Variants in DCDC1 observed in about 807,000 individuals in gnomAD.
DCDC1 encodes the protein doublecortin domain containing 1, also known as doublecortin domain-containing protein 1.
In DCDC1, 200 loss-of-function variants were observed where a neutral mutation model predicts 178.3. The observed-to-expected ratio is 1.12, with a 90% CI of 1.00 to 1.26. The LOEUF (loss-of-function observed/expected upper bound fraction) is 1.26, where lower values mean the gene tolerates loss of function less well. Among genes scored for constraint, DCDC1 ranks in the 50% most tolerant of loss-of-function variants. DCDC1 has a pLI of 0.00. For missense variants in DCDC1, 1,983 were observed against 1,749.2 expected (o/e 1.13, Z -2.38); for synonymous variants, 690 against 604.8 (o/e 1.14, Z -2.07).
intron 7 of DCDC1, among the ~76,000 whole-genome samples, chr11:31,281,819 A>G (rs1171028937): frequency 6.6e-6 from 1 of 152,134 alleles, no homozygotes; most frequent in African/African-American, 2.4e-5. Context: ...GCCTTCCACC[A>G]TGATTATGAG....
intron 20 of DCDC1, among the ~76,000 whole-genome samples, chr11:30,973,791 T>C (rs1949946125): frequency 1.3e-5 from 2 of 152,210 alleles, no homozygotes; most frequent in African/African-American, 2.4e-5. Flanking sequence ...CAGTAACAGT[T>C]GGATACATCA....
intron 1 of DCDC1, among the ~76,000 whole-genome samples, chr11:31,338,124 T>C (rs1440796861): frequency 6.6e-6 from 1 of 152,192 alleles, no homozygotes; most frequent in Admixed American, 6.5e-5. Context: ...AGTACTCTGA[T>C]GAACTAATCA....
At chr11:30,963,385 G>A (rs992162454) in intron 20 of DCDC1, among the ~76,000 whole-genome samples, 1 of 152,118 alleles carries the variant, frequency 6.6e-6, no homozygotes, top group Non-Finnish European at 1.5e-5. Context: ...GACAGAAACA[G>A]TTAATTCCCC....
intron 1 of DCDC1, among the ~76,000 whole-genome samples, chr11:31,349,560 A>G (rs1448657365): frequency 1.3e-5 from 2 of 152,244 alleles, no homozygotes; most frequent in Non-Finnish European, 2.9e-5. Flanking sequence ...AACTGAAGTT[A>G]TCACAGAAAT....
intron 1 of DCDC1, among the ~76,000 whole-genome samples, chr11:31,356,113 T>TA (rs1951342256): frequency 6.6e-6 from 1 of 152,090 alleles, no homozygotes; most frequent in African/African-American, 2.4e-5. Flanking sequence ...AGCTACAGTA[T>TA]AAAAAAGCTA....
intron 13 of DCDC1, among the ~76,000 whole-genome samples, chr11:31,105,316 C>T (rs960947508): frequency 6.6e-6 from 1 of 151,750 alleles, no homozygotes; most frequent in Admixed American, 6.6e-5. Context: ...GGCATTTTAC[C>T]AGTTATTCCG....
chr11:30,951,357 T>C lies in DCDC1; in HGVS notation c.2715+1088A>G, dbSNP rs529307955. Among the ~76,000 whole-genome samples, 157 of 152,152 alleles carry C rather than the reference T, an allele frequency of 1.0e-3. 2 individuals carry two copies. In the South Asian group the frequency reaches 0.013, roughly 12 times the overall value. On this transcript the variant is annotated intron_variant, in intron 21 of 38. Transcript: ENST00000684477. ...ATGTATTTGCTTTGCTATGTGAAAA[T>C]ACCTTACATGAATAAGGGCAAAATA...
intron 21 of DCDC1, among the ~76,000 whole-genome samples, chr11:30,934,480 C>T (rs770768441): frequency 9.9e-5 from 15 of 152,076 alleles, no homozygotes; most frequent in Admixed American, 4.6e-4. Context: ...TAACCAGTGA[C>T]GTTTAGGATA....
At chr11:31,157,009 C>T (rs776215314) in intron 9 of DCDC1, among the ~76,000 whole-genome samples, 8 of 151,966 alleles carry the variant, frequency 5.3e-5, no homozygotes, top group Non-Finnish European at 1.0e-4. Flanking sequence ...ATCCATATTT[C>T]CAAGCATCTT....
chr11:31,293,091 G>A (rs1478632119), intron 6 of DCDC1, among the ~76,000 whole-genome samples: 2 of 152,056 alleles, frequency 1.3e-5, no homozygotes, highest in African/African-American at 4.8e-5. Context: ...ACGTGACAGG[G>A]ATTAAATATC....
At chr11:31,311,830 A>G (rs1333004412) in intron 3 of DCDC1, among the ~76,000 whole-genome samples, 1 of 152,164 alleles carries the variant, frequency 6.6e-6, no homozygotes, top group East Asian at 1.9e-4. Flanking sequence ...GTACATTATA[A>G]ATTTCTGAAA....
intron 10 of DCDC1, among the ~76,000 whole-genome samples, chr11:31,134,936 C>T (rs982422164): frequency 6.6e-6 from 1 of 152,122 alleles, no homozygotes; most frequent in Non-Finnish European, 1.5e-5. Context: ...TTCAAGGCTG[C>T]AGTGAGCTAT....
chr11:31,233,348 T>A (rs1425320155), intron 9 of DCDC1, among the ~76,000 whole-genome samples: 4 of 152,210 alleles, frequency 2.6e-5, no homozygotes, highest in East Asian at 3.9e-4. Context: ...GTATGCTTTG[T>A]CTCCAAAACA....
At chr11:31,354,128 A>C (rs539488014) in intron 1 of DCDC1, among the ~76,000 whole-genome samples, 3 of 152,288 alleles carry the variant, frequency 2.0e-5, no homozygotes, top group African/African-American at 7.2e-5. Context: ...TCTACTAAAA[A>C]TACAAAAATT....
intron 9 of DCDC1, among the ~76,000 whole-genome samples, chr11:31,189,148 T>C (rs909954215): frequency 1.3e-5 from 2 of 152,162 alleles, no homozygotes; most frequent in Non-Finnish European, 2.9e-5. Context: ...GTTTTTGTTA[T>C]AGCGGCGCAA....
chr11:31,093,234 T>C (rs1490961442), intron 16 of DCDC1, among the ~76,000 whole-genome samples: 1 of 152,242 alleles, frequency 6.6e-6, no homozygotes, highest in Non-Finnish European at 1.5e-5. Context: ...GTGTCTTAAT[T>C]ATTCTATATG....
At chr11:31,228,257 A>T (rs965545915) in intron 9 of DCDC1, among the ~76,000 whole-genome samples, 5 of 152,104 alleles carry the variant, frequency 3.3e-5, no homozygotes, top group Admixed American at 1.3e-4. Context: ...ACTAGAAACC[A>T]ATTACAGAAA....
chr11:31,241,143 T>C (rs1977090769), intron 9 of DCDC1, among the ~76,000 whole-genome samples: 2 of 152,052 alleles, frequency 1.3e-5, no homozygotes, highest in East Asian at 1.9e-4. Context: ...TTAGGAGCTA[T>C]TTATTCTCTT....
chr11:31,120,235 T>C (rs1960597403), intron 11 of DCDC1, among the ~76,000 whole-genome samples: 1 of 152,078 alleles, frequency 6.6e-6, no homozygotes, highest in East Asian at 1.9e-4. Context: ...AACTAAACAA[T>C]ATAAAAATAG....
Sources: gnomAD v4.1 joint callset for allele counts (sites outside exome capture counted in the v4.1 genomes callset) on GRCh38, gnomAD v4.1.1 for gene constraint, MANE v1.5 for transcripts, NCBI Gene and HGNC (gene_info 2026-07-23, HGNC 2026-07-21) for gene names.